The following ACVR1C variants were observed in gnomAD, a reference collection of about 807,000 sequenced individuals.
ACVR1C encodes the protein activin receptor type-1C.
Under a neutral mutation model 57.9 loss-of-function variants are expected in ACVR1C, and 23 were observed. The observed-to-expected ratio is 0.40, with a 90% CI of 0.29 to 0.56. The LOEUF (loss-of-function observed/expected upper bound fraction) is 0.56, where lower values mean the gene tolerates loss of function less well. ACVR1C is among the 20% of genes least tolerant of loss of function. The pLI is 0.50. For missense variants in ACVR1C, 480 were observed against 607.9 expected (o/e 0.79, Z 2.21); for synonymous variants, 214 against 215.3 (o/e 0.99, Z 0.05).
chr2:157,593,520 T>A (rs1681995608), intron 1 of ACVR1C, among the ~76,000 whole-genome samples: 1 of 152,202 alleles, frequency 6.6e-6, no homozygotes, highest in South Asian at 2.1e-4. Context: ...CAGAAAACTG[T>A]CTCAGATTTG....
At chr2:157,624,903 C>G (rs183201118) in intron 1 of ACVR1C, among the ~76,000 whole-genome samples, 10 of 152,334 alleles carry the variant, frequency 6.6e-5, no homozygotes, top group African/African-American at 2.4e-4. Flanking sequence ...TTTTAATATA[C>G]TTGTGTTCCA....
intron 1 of ACVR1C, among the ~76,000 whole-genome samples, chr2:157,609,265 T>C (rs1682476863): frequency 6.6e-6 from 1 of 152,006 alleles, no homozygotes; most frequent in African/African-American, 2.4e-5. Flanking sequence ...TTCCCATGTA[T>C]TTGTATAGTT....
chr2:157,622,254 G>GA (rs886574047), intron 1 of ACVR1C, among the ~76,000 whole-genome samples: 109 of 150,582 alleles, frequency 7.2e-4, no homozygotes, highest in African/African-American at 2.2e-3. Context: ...CACAGAAATA[G>GA]AAAAAAAAAT....
chr2:157,541,354 T>A, intron 6 of ACVR1C, 140 bp from the exon 7 acceptor site: 1 of 840,636 alleles, frequency 1.2e-6, no homozygotes, highest in Non-Finnish European at 1.7e-6. Context: ...AAAGAATAAT[T>A]ATTGGCTCAA....
intron 1 of ACVR1C, among the ~76,000 whole-genome samples, chr2:157,588,875 ATATACGTGTGTGTG>A: frequency 7.0e-6 from 1 of 142,126 alleles, no homozygotes; most frequent in Non-Finnish European, 1.5e-5. Flanking sequence ...ATATATATAT[ATATACGTGTGTGTG>A]TATATATATA....
chr2:157,586,115 C>G (rs1395111633), intron 2 of ACVR1C, among the ~76,000 whole-genome samples: 1 of 151,994 alleles, frequency 6.6e-6, no homozygotes, highest in Non-Finnish European at 1.5e-5. Context: ...GTCTTTTACA[C>G]TTCTTCTCTC....
intron 3 of ACVR1C, among the ~76,000 whole-genome samples, 182 bp downstream of exon 3, chr2:157,555,911 T>C (rs1688087549): frequency 6.6e-6 from 1 of 152,144 alleles, no homozygotes; most frequent in Non-Finnish European, 1.5e-5. Flanking sequence ...AAGACTTAAT[T>C]CTATAGGCCA....
chr2:157,538,761 T>G (rs1687547650), intron 7 of ACVR1C, 58 bp from the exon 8 acceptor site: 3 of 1,374,828 alleles, frequency 2.2e-6, no homozygotes, highest in Non-Finnish European at 2.9e-6. Flanking sequence ...ACATGTCTAT[T>G]TTAAATAATA....
At chr2:157,581,298 T>G (rs1460020207) in intron 2 of ACVR1C, among the ~76,000 whole-genome samples, 1 of 151,848 alleles carries the variant, frequency 6.6e-6, no homozygotes, top group Non-Finnish European at 1.5e-5. Flanking sequence ...CCAGAGAGAC[T>G]ATAGATATTG....
rs1687338241 is a variant in ACVR1C, at chr2:157,530,971, T to C, written c.*2947A>G. 6.6e-6 allele frequency: 1 copy of C among 152,030 alleles called. No homozygotes were observed. 9.4% of individuals were successfully genotyped at this position (152,030 alleles called of 1,614,324 possible). ...TCACCACTTTATACAGTACTGAAAA[T>C]TCATAATAGTGTTTTCCCAAGTCTT... On this transcript the variant is annotated 3_prime_UTR_variant, in exon 9 of 9. Transcript: ENST00000243349.
intron 1 of ACVR1C, among the ~76,000 whole-genome samples, chr2:157,620,564 T>C (rs372128698): frequency 3.6e-4 from 55 of 152,272 alleles, no homozygotes; most frequent in Non-Finnish European, 7.5e-4. Context: ...AATTAACATC[T>C]CTTGGATACG....
At chr2:157,590,640 CT>C (rs1036833506) in intron 1 of ACVR1C, among the ~76,000 whole-genome samples, 8 of 152,014 alleles carry the variant, frequency 5.3e-5, no homozygotes, top group East Asian at 1.9e-4. Context: ...AATAAATATA[CT>C]TTTTCATCAA....
At chr2:157,550,459 T>C in intron 3 of ACVR1C, 67 bp from the exon 4 acceptor site, 1 of 1,418,768 alleles carries the variant, frequency 7.0e-7, no homozygotes, top group Non-Finnish European at 9.8e-7. Context: ...CAATAATCAC[T>C]GTTTTCAGAT....
rs1009257932 is a variant in ACVR1C at position 157,528,987 on chromosome 2, A to T, written c.*4931T>A. The T allele has an allele frequency of 2.0e-5, 3 of 152,196 alleles. No individual in the cohort carries two copies. The highest frequency in any genetic ancestry group is 4.4e-5 in the Non-Finnish European group (3 of 68,018). 9.4% of individuals were successfully genotyped at this position (152,196 alleles called of 1,614,324 possible). The stretch of plus-strand genomic sequence containing the variant: ...TACAGGAATTATAGAGTGACTTGGG[A>T]TTGATGAGATCTGCCAAACATTTTT... On this transcript the variant is annotated 3_prime_UTR_variant, in exon 9 of 9. Transcript: ENST00000243349.
chr2:157,528,598 GGC>G lies in ACVR1C; in HGVS notation c.*5318_*5319del, dbSNP rs1193099583. On this transcript the variant is annotated 3_prime_UTR_variant, in exon 9 of 9. Coordinates refer to ENST00000243349, the MANE Select transcript of ACVR1C (RefSeq NM_145259.3). ...TTATATTCCAAACTAATAGCATAAT[GGC>G]TTAGTTTGTCAAAAGCAAAACAAAG... The G allele has an allele frequency of 1.3e-5, 2 of 152,044 alleles. No homozygotes were observed. Among genetic ancestry groups the G allele is most frequent in the Non-Finnish European group, 1.5e-5 (1 of 68,006 alleles). 9.4% of individuals were successfully genotyped at this position (152,044 alleles called of 1,614,324 possible).
intron 2 of ACVR1C, among the ~76,000 whole-genome samples, chr2:157,564,755 C>A (rs530269542): frequency 6.6e-6 from 1 of 152,326 alleles, no homozygotes; most frequent in South Asian, 2.1e-4. Flanking sequence ...TACATCTACA[C>A]CATGGGATAC....
chr2:157,623,830 C>T (rs1371673386), intron 1 of ACVR1C, among the ~76,000 whole-genome samples: 3 of 151,980 alleles, frequency 2.0e-5, no homozygotes, highest in African/African-American at 7.3e-5. Context: ...CACTGCATGC[C>T]TGTATCAAAA....
intron 8 of ACVR1C, 132 bp from the exon 9 acceptor site, chr2:157,534,175 T>C (rs1687426405): frequency 3.9e-6 from 3 of 769,552 alleles, no homozygotes; most frequent in Non-Finnish European, 5.5e-6. Flanking sequence ...GGTCTTGCTA[T>C]GTTCCCCAGG....
rs111296505 is a variant in ACVR1C, at chr2:157,574,969, A to G, written c.304+12218T>C. Among the ~76,000 whole-genome samples the G allele has an allele frequency of 3.1e-3, 474 of 152,056 alleles. 1 individual carries two copies. The highest frequency in any genetic ancestry group is 5.0e-3 in the Non-Finnish European group (343 of 67,966). Reference sequence around the variant, plus strand: ...CAATTCTGTTTTGTATTTTTTATTTAATTTTTTTAAGAGACAGGGTCTTGC... The same window carrying G: ...CAATTCTGTTTTGTATTTTTTATTTGATTTTTTTAAGAGACAGGGTCTTGC... On this transcript the variant is annotated intron_variant, in intron 2 of 8. Transcript: ENST00000243349.
Sources: gnomAD v4.1 joint callset for allele counts (sites outside exome capture counted in the v4.1 genomes callset) on GRCh38, gnomAD v4.1.1 for gene constraint, MANE v1.5 for transcripts, NCBI Gene and HGNC (gene_info 2026-07-23, HGNC 2026-07-21) for gene names.